PID1: variants seen among roughly 807,000 people sequenced by gnomAD.
PID1 encodes phosphotyrosine interaction domain containing 1.
In PID1, 10 loss-of-function variants were observed where a neutral mutation model predicts 19.1. That is an observed-to-expected ratio of 0.52 (90% CI 0.32 to 0.89). PID1 has a LOEUF of 0.89. Among genes scored for constraint, PID1 ranks in the 40% least tolerant of loss-of-function variants. The pLI, the probability that PID1 is intolerant of heterozygous loss-of-function variation, is 0.03. For missense variants in PID1, 248 were observed against 285.3 expected (o/e 0.87, Z 0.94); for synonymous variants, 130 against 116.0 (o/e 1.12, Z -0.78).
chr2:229,185,293 C>A (rs2106225251), intron 1 of PID1, among the ~76,000 whole-genome samples: 1 of 152,004 alleles, frequency 6.6e-6, no homozygotes, highest in East Asian at 1.9e-4. Flanking sequence ...TCCGCCAAGA[C>A]TCCATCTTGC....
chr2:229,142,989 A>AT (rs913141031), intron 2 of PID1, among the ~76,000 whole-genome samples: 13 of 149,024 alleles, frequency 8.7e-5, no homozygotes, highest in African/African-American at 3.2e-4. Flanking sequence ...AATGTGGCAC[A>AT]TATACACCAT....
intron 1 of PID1, among the ~76,000 whole-genome samples, chr2:229,203,551 A>G (rs1374711801): frequency 6.6e-6 from 1 of 152,164 alleles, no homozygotes; most frequent in Non-Finnish European, 1.5e-5. Flanking sequence ...TTACTGTATA[A>G]GAAAAATAAA....
At chr2:229,211,736 G>A (rs1193218887) in intron 1 of PID1, among the ~76,000 whole-genome samples, 1 of 152,202 alleles carries the variant, frequency 6.6e-6, no homozygotes, top group Non-Finnish European at 1.5e-5. Flanking sequence ...GACTCTGGCT[G>A]TGTTCTGGAT....
intron 2 of PID1, among the ~76,000 whole-genome samples, chr2:229,070,244 G>A (rs200257746): frequency 6.6e-6 from 1 of 152,070 alleles, no homozygotes; most frequent in East Asian, 1.9e-4. Flanking sequence ...GAAGGGGGAG[G>A]CATTGAAGCC....
chr2:229,059,612 T>A lies in PID1; in HGVS notation c.178-33504A>T, dbSNP rs555390943. Among the ~76,000 whole-genome samples the A allele has an allele frequency of 1.1e-4, 16 of 152,318 alleles. No homozygotes were observed. In the East Asian group the frequency reaches 2.5e-3, roughly 24 times the overall value. ...TAGTGTGCTTTCCACCCAGCTATGA[T>A]ACAGGAATTCAAAACTGTACACTAA... On this transcript the variant is annotated intron_variant, in intron 2 of 2. Transcript: ENST00000392055.
chr2:229,082,365 T>C (rs572440843), intron 2 of PID1, among the ~76,000 whole-genome samples: 48 of 152,378 alleles, frequency 3.2e-4, no homozygotes, highest in African/African-American at 1.2e-3. Flanking sequence ...TAAGGTGGAC[T>C]CACTGACCTT....
intron 1 of PID1, among the ~76,000 whole-genome samples, chr2:229,194,660 A>G (rs1440941699): frequency 6.6e-6 from 1 of 152,026 alleles, no homozygotes; most frequent in African/African-American, 2.4e-5. Flanking sequence ...CCCTATTTTT[A>G]AAAATTTCAT....
At chr2:229,113,162 A>G (rs962250439) in intron 2 of PID1, among the ~76,000 whole-genome samples, 11 of 152,140 alleles carry the variant, frequency 7.2e-5, no homozygotes, top group Non-Finnish European at 1.5e-4. Flanking sequence ...GAAAGAGAAC[A>G]GCATAGTTAC....
intron 2 of PID1, among the ~76,000 whole-genome samples, chr2:229,151,358 C>T (rs576299526): frequency 6.6e-6 from 1 of 152,076 alleles, no homozygotes; most frequent in Non-Finnish European, 1.5e-5. Context: ...AACGAGGGAC[C>T]CTGGGACAGT....
At position 229,024,552 on chromosome 2, in the gene PID1, A is replaced by T. The variant is rs3755302; in HGVS notation, c.*1080T>A. 51,575 of 152,502 alleles carry T rather than the reference A, an allele frequency of 0.34. 9,041 individuals are homozygous for T. Among genetic ancestry groups the T allele is most frequent in the East Asian group, 0.51 (2,607 of 5,162 alleles). The allele number at this position is 152,502 out of a possible 1,614,324, so 9.4% of individuals were successfully genotyped here. ...TAAGATTTCCCTTTAGGTTAAGATGACATGGGTCTCTAGACAAGCCAAGTT... is the reference window on the plus strand; with the variant it reads ...TAAGATTTCCCTTTAGGTTAAGATGTCATGGGTCTCTAGACAAGCCAAGTT... On this transcript the variant is annotated 3_prime_UTR_variant, in exon 3 of 3. Coordinates refer to ENST00000392055, the MANE Select transcript of PID1 (RefSeq NM_001100818.2).
At chr2:229,144,291 C>T (rs147905430) in intron 2 of PID1, among the ~76,000 whole-genome samples, 4 of 152,154 alleles carry the variant, frequency 2.6e-5, no homozygotes, top group South Asian at 2.1e-4. Context: ...ACAGAAGGAG[C>T]GCAGCTGACC....
At chr2:229,204,828 T>C (rs560962459) in intron 1 of PID1, among the ~76,000 whole-genome samples, 16 of 152,256 alleles carry the variant, frequency 1.1e-4, no homozygotes, top group South Asian at 2.1e-4. Context: ...GAGGTCATTG[T>C]TATTAAACGA....
chr2:229,230,738 T>C (rs916507490), intron 1 of PID1, among the ~76,000 whole-genome samples: 1 of 152,228 alleles, frequency 6.6e-6, no homozygotes, highest in Admixed American at 6.5e-5. Context: ...AATCACAGTC[T>C]ACTTTTCAAA....
intron 2 of PID1, among the ~76,000 whole-genome samples, chr2:229,094,034 T>A (rs1694927388): frequency 1.3e-5 from 2 of 152,134 alleles, no homozygotes; most frequent in South Asian, 4.1e-4. Context: ...TAATCTCATA[T>A]CTAGAAAGCC....
At chr2:229,086,861 A>C (rs746598995) in intron 2 of PID1, among the ~76,000 whole-genome samples, 1 of 151,912 alleles carries the variant, frequency 6.6e-6, no homozygotes, top group Non-Finnish European at 1.5e-5. Context: ...CCGCATGCAC[A>C]TAATATTCTC....
intron 2 of PID1, among the ~76,000 whole-genome samples, chr2:229,151,706 G>A (rs867535841): frequency 1.1e-4 from 16 of 151,870 alleles, no homozygotes; most frequent in Middle Eastern, 3.4e-3. Flanking sequence ...GAGTAGCTGC[G>A]ACGACAGGTG....
chr2:229,121,396 T>C (rs1292878970), intron 2 of PID1, among the ~76,000 whole-genome samples: 1 of 152,190 alleles, frequency 6.6e-6, no homozygotes, highest in Non-Finnish European at 1.5e-5. Context: ...TTCTACACAT[T>C]CTGACAATGG....
intron 1 of PID1, among the ~76,000 whole-genome samples, chr2:229,254,696 A>C (rs1489561763): frequency 2.6e-5 from 4 of 152,222 alleles, no homozygotes; most frequent in Non-Finnish European, 4.4e-5. Flanking sequence ...TTTTATGTTT[A>C]AATGGTATGT....
intron 1 of PID1, among the ~76,000 whole-genome samples, chr2:229,215,611 T>A (rs1691827729): frequency 6.6e-6 from 1 of 152,186 alleles, no homozygotes. Context: ...GCACTCAAAC[T>A]ACCACCATGG....
Sources: allele counts gnomAD v4.1 joint callset (sites outside exome capture counted in the v4.1 genomes callset), GRCh38; gene constraint gnomAD v4.1.1; transcripts MANE v1.5; gene names NCBI Gene and HGNC (gene_info 2026-07-23, HGNC 2026-07-21).